Variants in WDFY4 observed in about 807,000 individuals in gnomAD.
WDFY4 encodes the protein WDFY family member 4.
Under a neutral mutation model 351.9 loss-of-function variants are expected in WDFY4, and 169 were observed. The observed-to-expected ratio is 0.48, with a 90% CI of 0.42 to 0.55. WDFY4 has a LOEUF of 0.55. Among genes scored for constraint, WDFY4 ranks in the 20% least tolerant of loss-of-function variants. WDFY4 has a pLI of 0.00. For synonymous variants in WDFY4, 1,622 were observed against 1,574.6 expected, an observed-to-expected ratio of 1.03 and a Z score of -0.71; for missense variants, 3,803 against 3,935.6, an observed-to-expected ratio of 0.97 and a Z score of 0.90.
At position 48,721,926 on chromosome 10, in the gene WDFY4, C is replaced by A. The variant is rs562228340; in HGVS notation, c.456+559C>A. ...ACATTCCCTGTAGGTACCTGTCTCG[C>A]CCTCGCCCAGAGATGAGGGCTCTCC... On this transcript the variant is annotated intron_variant, in intron 4 of 61. Coordinates refer to ENST00000325239, the MANE Select transcript of WDFY4 (RefSeq NM_001394531.1). Among the ~76,000 whole-genome samples, 4 of 152,286 alleles carry A rather than the reference C, an allele frequency of 2.6e-5. No individual in the cohort carries two copies. In the South Asian group the frequency reaches 8.3e-4, roughly 32 times the overall value.
chr10:48,830,576 G>T, intron 37 of WDFY4, 124 bp from the exon 38 acceptor site: 1 of 1,068,400 alleles, frequency 9.4e-7, no homozygotes. Context: ...GCAAAGCTGG[G>T]GTGATGTTCA....
chr10:48,890,495 G>T, intron 43 of WDFY4, 84 bp from the exon 44 acceptor site: 2 of 1,506,106 alleles, frequency 1.3e-6, no homozygotes, highest in East Asian at 4.9e-5. Context: ...CCCATGGATG[G>T]CTGGTCACTA....
At chr10:48,946,235 G>A (rs1564519601) in intron 50 of WDFY4, 78 bp downstream of exon 50, 1 of 1,134,366 alleles carries the variant, frequency 8.8e-7, no homozygotes, top group Non-Finnish European at 1.3e-6. Context: ...AACAATTAAG[G>A]TGGTCACCTA....
chr10:48,904,342 T>C (rs1446196273), intron 47 of WDFY4, among the ~76,000 whole-genome samples: 1 of 152,254 alleles, frequency 6.6e-6, no homozygotes, highest in Non-Finnish European at 1.5e-5. Context: ...ATCTCAGCCC[T>C]GCTGATCTCA....
Position 48,828,334 on chromosome 10 carries a change from A to C in WDFY4, c.6222-444A>C, listed in dbSNP as rs188707495. Among the ~76,000 whole-genome samples, 365 of 152,306 alleles carry C rather than the reference A, an allele frequency of 2.4e-3. 1 individual carries two copies. Among genetic ancestry groups the C allele is most frequent in the Non-Finnish European group, 4.1e-3 (280 of 68,024 alleles). On this transcript the variant is annotated intron_variant, in intron 36 of 61. Coordinates refer to ENST00000325239, the MANE Select transcript of WDFY4 (RefSeq NM_001394531.1). ...TTCAAGATGATGACAGCAGAGCCCC[A>C]AAAAAGGGTTCTTCTAAGTGCAGGG... is the stretch of plus-strand genomic sequence containing the variant.
chr10:48,706,332 G>A (rs1315561390), intron 1 of WDFY4, among the ~76,000 whole-genome samples: 1 of 152,156 alleles, frequency 6.6e-6, no homozygotes, highest in Non-Finnish European at 1.5e-5. Context: ...GGTAATTAGA[G>A]CCATGAGAAT....
chr10:48,736,489 C>T (rs12572801), intron 11 of WDFY4, among the ~76,000 whole-genome samples: 12,316 of 152,268 alleles, frequency 0.081, 638 homozygotes, highest in East Asian at 0.25. Context: ...GAAATGTTTT[C>T]CCTGGCTAGG....
rs1255134626 is a variant in WDFY4 at position 48,784,850 on chromosome 10, C to CTT, written c.3577-1769_3577-1768dup. ...CCACCACACCCAGTTGCATCGTTTACTTTTTTTTTTTTTTTTTTTTTGAGA... is the reference window on the plus strand; with the variant it reads ...CCACCACACCCAGTTGCATCGTTTACTTTTTTTTTTTTTTTTTTTTTTTGAGA... On this transcript the variant is annotated intron_variant, in intron 19 of 61. Coordinates refer to ENST00000325239, the MANE Select transcript of WDFY4 (RefSeq NM_001394531.1). 1.1e-3 allele frequency among the ~76,000 whole-genome samples: 88 copies of CTT among 80,658 alleles called. 1 individual carries two copies. The highest frequency in any genetic ancestry group is 2.1e-3 in the South Asian group (5 of 2,382). The allele number at this position is 80,658 out of a possible 152,430, so 52.9% of individuals were successfully genotyped here.
intron 47 of WDFY4, among the ~76,000 whole-genome samples, chr10:48,930,790 C>T (rs1839947686): frequency 6.6e-6 from 1 of 150,904 alleles, no homozygotes; most frequent in Non-Finnish European, 1.5e-5. Flanking sequence ...GAAACTAAAA[C>T]AAAAAAAAAT....
intron 47 of WDFY4, among the ~76,000 whole-genome samples, chr10:48,927,942 A>G (rs933466110): frequency 6.6e-6 from 1 of 152,242 alleles, no homozygotes; most frequent in African/African-American, 2.4e-5. Flanking sequence ...TGCCTTGTTC[A>G]TCCACCCTAT....
chr10:48,873,721 A>G (rs1459067658), intron 41 of WDFY4, 24 bp downstream of exon 41: 2 of 1,550,560 alleles, frequency 1.3e-6, no homozygotes, highest in Admixed American at 2.0e-5. Flanking sequence ...GCAGTGGGAC[A>G]GTGCTGGTTC....
intron 4 of WDFY4, among the ~76,000 whole-genome samples, 183 bp from the exon 5 acceptor site, chr10:48,723,250 C>T (rs558393779): frequency 1.4e-5 from 2 of 145,822 alleles, no homozygotes; most frequent in Admixed American, 7.1e-5. Flanking sequence ...TTTATATAAA[C>T]TTAATCTTCA....
intron 57 of WDFY4, among the ~76,000 whole-genome samples, chr10:48,971,043 C>G (rs1842315868): frequency 6.6e-6 from 1 of 152,190 alleles, no homozygotes; most frequent in Non-Finnish European, 1.5e-5. Context: ...CTCAGAACAG[C>G]TTGCATTTGA....
intron 39 of WDFY4, among the ~76,000 whole-genome samples, chr10:48,842,989 T>TG (rs1394096097): frequency 6.6e-6 from 1 of 152,234 alleles, no homozygotes; most frequent in African/African-American, 2.4e-5. Context: ...AACAAGACTA[T>TG]GGTCTGAAAA....
rs900896898 is a variant in WDFY4, at chr10:48,946,978, C to T, written c.7977+9C>T. ...CCTTCTGCGCTCTGCAGGTGAGCTG[C>T]TGCCACTCTCTGTACACACACACAC... is the stretch of plus-strand genomic sequence containing the variant. On this transcript the variant is annotated intron_variant, in intron 51 of 61. Transcript: ENST00000325239. 60 of 1,510,676 alleles carry T rather than the reference C, an allele frequency of 4.0e-5. No homozygotes were observed. Among genetic ancestry groups the T allele is most frequent in the Non-Finnish European group, 5.2e-5 (58 of 1,117,170 alleles). 93.6% of individuals were successfully genotyped at this position (1,510,676 alleles called of 1,614,324 possible).
At chr10:48,826,186 C>T (rs79058012) in intron 35 of WDFY4, among the ~76,000 whole-genome samples, 5 of 152,154 alleles carry the variant, frequency 3.3e-5, no homozygotes, top group African/African-American at 1.2e-4. Flanking sequence ...CTAGCCAGTT[C>T]TCCCAGCACC....
chr10:48,758,352 C>G (rs921860099), intron 12 of WDFY4, among the ~76,000 whole-genome samples: 1 of 152,008 alleles, frequency 6.6e-6, no homozygotes, highest in African/African-American at 2.4e-5. Context: ...TTAAAATTTT[C>G]TTTAGTGTTC....
intron 57 of WDFY4, 47 bp downstream of exon 57, chr10:48,970,336 T>A (rs1391171154): frequency 2.0e-6 from 3 of 1,535,038 alleles, no homozygotes; most frequent in Non-Finnish European, 2.6e-6. Context: ...GGGACAGTAC[T>A]TCATGTAGGG....
intron 9 of WDFY4, among the ~76,000 whole-genome samples, chr10:48,732,252 T>C (rs2064487981): frequency 6.6e-6 from 1 of 152,288 alleles, no homozygotes; most frequent in South Asian, 2.1e-4. Flanking sequence ...TGTGGTGGTC[T>C]TTAACTACCA....
Sources: gnomAD v4.1 joint callset for allele counts (sites outside exome capture counted in the v4.1 genomes callset) on GRCh38, gnomAD v4.1.1 for gene constraint, MANE v1.5 for transcripts, NCBI Gene and HGNC (gene_info 2026-07-23, HGNC 2026-07-21) for gene names.